ARID2: variants seen among roughly 807,000 people sequenced by gnomAD.
ARID2 encodes AT-rich interaction domain 2, also known as AT-rich interactive domain-containing protein 2.
A neutral mutation model predicts 184.6 loss-of-function variants in ARID2; 32 were observed. The ratio of observed to expected loss-of-function variants is 0.17; its 90% confidence interval spans 0.13 to 0.23. The LOEUF is 0.23. Ranked by LOEUF, ARID2 falls within the 10% of genes least tolerant of loss-of-function variation. The pLI is 1.00. For missense variants in ARID2, 1,696 were observed against 2,197.6 expected (o/e 0.77, Z 4.56); for synonymous variants, 836 against 772.6 (o/e 1.08, Z -1.36).
At position 45,851,822 on chromosome 12, in the gene ARID2, T is replaced by C. The variant is rs1436558271; in HGVS notation, c.3699T>C (p.Ala1233=). The change falls in exon 15 of 21, where the codon GCT becomes GCC. Residue 1233 remains alanine (A), a synonymous_variant. Coordinates refer to ENST00000334344, the MANE Select transcript of ARID2 (RefSeq NM_152641.4). ...SPAGQSSCTT[A]TPPFKGDKII... ...CTGGACAATCATCATGTACTACTGCTACTCCCCCATTCAAAGGTGATAAAA... is the reference window on the plus strand; with the variant it reads ...CTGGACAATCATCATGTACTACTGCCACTCCCCCATTCAAAGGTGATAAAA... 4 of 1,614,112 alleles carry C rather than the reference T, an allele frequency of 2.5e-6. No homozygotes were observed. The highest frequency in any genetic ancestry group is 3.4e-6 in the Non-Finnish European group (4 of 1,180,008).
intron 3 of ARID2, among the ~76,000 whole-genome samples, chr12:45,793,692 C>T (rs1049145999): frequency 6.0e-5 from 9 of 149,340 alleles, no homozygotes; most frequent in African/African-American, 1.2e-4. Context: ...TTTATATATA[C>T]ACACACACAC....
intron 6 of ARID2, among the ~76,000 whole-genome samples, chr12:45,832,667 T>A (rs1192116897): frequency 6.6e-6 from 1 of 152,048 alleles, no homozygotes; most frequent in Non-Finnish European, 1.5e-5. Flanking sequence ...GGTACTACAT[T>A]TACAGTCTGG....
At chr12:45,899,673 ATATATGGT>A (rs200931286) in intron 20 of ARID2, among the ~76,000 whole-genome samples, 4,898 of 78,572 alleles carry the variant, frequency 0.062, 324 homozygotes, top group African/African-American at 0.19. Flanking sequence ...ATATATGGTT[ATATATGGT>A]TATATATATA....
chr12:45,844,832 A>C (rs900907153), intron 11 of ARID2, among the ~76,000 whole-genome samples: 5 of 152,184 alleles, frequency 3.3e-5, no homozygotes, highest in Non-Finnish European at 1.5e-5. Context: ...CTCTGGATTT[A>C]TGCATTTAAC....
intron 3 of ARID2, among the ~76,000 whole-genome samples, chr12:45,766,803 C>G (rs571695226): frequency 1.3e-5 from 2 of 149,120 alleles, no homozygotes; most frequent in Non-Finnish European, 3.0e-5. Flanking sequence ...CGTGAGCCAC[C>G]GCGCCCAGCC....
intron 16 of ARID2, among the ~76,000 whole-genome samples, chr12:45,885,368 T>G (rs1944169017): frequency 6.6e-6 from 1 of 152,136 alleles, no homozygotes; most frequent in Non-Finnish European, 1.5e-5. Context: ...TATACATTTA[T>G]GTGCATTTAT....
chr12:45,797,255 C>T (rs1173605654), intron 3 of ARID2, among the ~76,000 whole-genome samples: 1 of 151,952 alleles, frequency 6.6e-6, no homozygotes. Context: ...TATTTCTTGA[C>T]ACTGAGCCTC....
chr12:45,804,857 A>G (rs1470540876), intron 3 of ARID2, among the ~76,000 whole-genome samples: 1 of 151,920 alleles, frequency 6.6e-6, no homozygotes, highest in Non-Finnish European at 1.5e-5. Flanking sequence ...TTTCTTTGTC[A>G]CTTACTACAT....
At chr12:45,867,925 C>T (rs951494856) in intron 16 of ARID2, among the ~76,000 whole-genome samples, 1 of 152,074 alleles carries the variant, frequency 6.6e-6, no homozygotes, top group African/African-American at 2.4e-5. Flanking sequence ...AATATAATAA[C>T]ATGTGTCCAC....
At chr12:45,768,893 A>G (rs562729281) in intron 3 of ARID2, among the ~76,000 whole-genome samples, 1 of 152,328 alleles carries the variant, frequency 6.6e-6, no homozygotes, top group African/African-American at 2.4e-5. Context: ...GATGTGGTCA[A>G]AGAAAGAGGA....
chr12:45,852,906 T>A lies in ARID2; in HGVS notation c.4773+10T>A, dbSNP rs1436576687. The A allele has an allele frequency of 3.9e-6, 6 of 1,547,256 alleles. No homozygotes were observed. Among genetic ancestry groups the A allele is most frequent in the Non-Finnish European group, 5.2e-6 (6 of 1,147,842 alleles). ...GAATGTGGTCCCGCAGGTAAGTTAT[T>A]CCATGATCACATTTCTCTTATGAAA... is the stretch of plus-strand genomic sequence containing the variant. On this transcript the variant is annotated intron_variant, in intron 15 of 20. Transcript: ENST00000334344.
intron 16 of ARID2, among the ~76,000 whole-genome samples, chr12:45,869,358 T>C (rs1372829818): frequency 3.9e-5 from 6 of 152,070 alleles, no homozygotes; most frequent in African/African-American, 1.4e-4. Context: ...TTTTTGATAG[T>C]GAGCACTTTT....
chr12:45,821,197 G>A (rs955527937), intron 5 of ARID2, among the ~76,000 whole-genome samples: 1 of 151,898 alleles, frequency 6.6e-6, no homozygotes, highest in Non-Finnish European at 1.5e-5. Context: ...TTATGAAAAA[G>A]AGTCTATATT....
At chr12:45,742,191 A>T (rs1015133816) in intron 3 of ARID2, among the ~76,000 whole-genome samples, 5 of 152,230 alleles carry the variant, frequency 3.3e-5, no homozygotes, top group African/African-American at 1.2e-4. Context: ...ACAGACATGC[A>T]CTGCATAAAG....
At chr12:45,817,381 A>G (rs754618463) in intron 4 of ARID2, among the ~76,000 whole-genome samples, 16 of 152,066 alleles carry the variant, frequency 1.1e-4, no homozygotes, top group Non-Finnish European at 2.2e-4. Flanking sequence ...AGCTAGGTCA[A>G]TTAAAATACT....
intron 5 of ARID2, among the ~76,000 whole-genome samples, chr12:45,818,524 T>TA (rs1371232543): frequency 1.3e-5 from 2 of 152,194 alleles, no homozygotes; most frequent in Non-Finnish European, 2.9e-5. Context: ...TAGCTGAAGT[T>TA]ATTGGTATAA....
intron 3 of ARID2, among the ~76,000 whole-genome samples, chr12:45,787,721 A>G (rs1203475046): frequency 3.9e-5 from 6 of 152,172 alleles, no homozygotes; most frequent in Non-Finnish European, 5.9e-5. Context: ...GAATAGACAT[A>G]AAACTAGGCT....
chr12:45,786,488 G>A (rs1036583343), intron 3 of ARID2, among the ~76,000 whole-genome samples: 16 of 152,180 alleles, frequency 1.1e-4, no homozygotes, highest in African/African-American at 3.6e-4. Context: ...CTTTTATTCT[G>A]TGGGACCTGT....
In ARID2 at chr12:45,851,511, G is replaced by A. The variant is rs1305042866; in HGVS notation, c.3388G>A (p.Val1130Ile). 6.2e-7 allele frequency: 1 copy of A among 1,614,084 alleles called. No homozygotes were observed. The highest frequency in any genetic ancestry group is 2.2e-5 in the East Asian group (1 of 44,872). Reference protein sequence around the residue: ...LLVGQQNVQLVPSAMPPSGGV... With the variant: ...LLVGQQNVQLIPSAMPPSGGV... Reference sequence around the variant, plus strand: ...GGTTGGGCAGCAAAATGTTCAGTTGGTCCCAAGTGCAATGCCACCCTCAGG... The same window carrying A: ...GGTTGGGCAGCAAAATGTTCAGTTGATCCCAAGTGCAATGCCACCCTCAGG... Residue 1130 changes from valine to isoleucine, a missense_variant, in exon 15 of 21, where the codon GTC (valine) becomes ATC (isoleucine). Val to Ile is a conservative substitution (Grantham distance 29). Around this residue, in one of 11 missense-constraint regions of ARID2, gnomAD observed 713 missense variants for 824.4 expected, o/e 0.86. Transcript: ENST00000334344.
Sources: allele counts gnomAD v4.1 joint callset (sites outside exome capture counted in the v4.1 genomes callset), GRCh38; gene constraint gnomAD v4.1.1; regional missense constraint gnomAD v4.1.1; transcripts MANE v1.5; gene names NCBI Gene and HGNC (gene_info 2026-07-23, HGNC 2026-07-21).